Variants in AMPH observed in about 807,000 individuals in gnomAD.
The protein encoded by AMPH is amphiphysin.
AMPH carries 49 observed loss-of-function variants against 99.1 expected under a neutral mutation model. That is an observed-to-expected ratio of 0.49 (90% CI 0.39 to 0.63). The LOEUF is 0.63. Ranked by LOEUF, AMPH falls within the 20% of genes least tolerant of loss-of-function variation. AMPH has a pLI of 0.00. For missense variants in AMPH, 759 were observed against 863.4 expected, an observed-to-expected ratio of 0.88 and a Z score of 1.52; for synonymous variants, 314 against 317.3, an observed-to-expected ratio of 0.99 and a Z score of 0.11.
intron 1 of AMPH, among the ~76,000 whole-genome samples, chr7:38,559,998 G>C (rs1188016450): frequency 1.3e-5 from 2 of 152,192 alleles, no homozygotes; most frequent in Non-Finnish European, 2.9e-5. Flanking sequence ...GTTTCATATG[G>C]AATTCTGCTC....
At chr7:38,612,268 G>A (rs1202748480) in intron 1 of AMPH, among the ~76,000 whole-genome samples, 1 of 151,788 alleles carries the variant, frequency 6.6e-6, no homozygotes, top group East Asian at 1.9e-4. Flanking sequence ...TACAGACGGG[G>A]ATTTTCCATG....
At chr7:38,597,800 C>T (rs1793111235) in intron 1 of AMPH, among the ~76,000 whole-genome samples, 1 of 152,204 alleles carries the variant, frequency 6.6e-6, no homozygotes, top group Non-Finnish European at 1.5e-5. Context: ...ATCTTTCCAT[C>T]TTGTTTATGG....
intron 1 of AMPH, among the ~76,000 whole-genome samples, chr7:38,608,027 T>C (rs1793494770): frequency 6.6e-6 from 1 of 152,180 alleles, no homozygotes; most frequent in Non-Finnish European, 1.5e-5. Context: ...TTAGTAGAGA[T>C]GAGGTCTCAC....
chr7:38,485,232 A>T (rs1788442858), intron 5 of AMPH, among the ~76,000 whole-genome samples: 1 of 152,006 alleles, frequency 6.6e-6, no homozygotes, highest in South Asian at 2.1e-4. Flanking sequence ...TGTCTACAAG[A>T]GATTTACTTT....
intron 1 of AMPH, among the ~76,000 whole-genome samples, chr7:38,620,968 C>A (rs1337760698): frequency 2.0e-5 from 3 of 152,164 alleles, no homozygotes. Context: ...AATTAGGGTC[C>A]ACTTTGCCTA....
chr7:38,520,865 C>T (rs1203909463), intron 2 of AMPH, among the ~76,000 whole-genome samples: 4 of 152,190 alleles, frequency 2.6e-5, no homozygotes, highest in African/African-American at 7.2e-5. Flanking sequence ...ACATAGACCA[C>T]CAACTATTCA....
chr7:38,482,800 C>T (rs374296217), intron 5 of AMPH, among the ~76,000 whole-genome samples: 43 of 152,244 alleles, frequency 2.8e-4, no homozygotes, highest in Middle Eastern at 3.4e-3. Context: ...AATTTAACCT[C>T]TTCTGATTTC....
Position 38,549,993 on chromosome 7 carries a change from A to G in AMPH, c.70-14982T>C, listed in dbSNP as rs191749155. On this transcript the variant is annotated intron_variant, in intron 1 of 20. Transcript: ENST00000356264. ...AAAGCCATAATTTACAACACTTAATATTTTATTAGTGAGAACATTGAAAGA... is the reference window on the plus strand; with the variant it reads ...AAAGCCATAATTTACAACACTTAATGTTTTATTAGTGAGAACATTGAAAGA... Among the ~76,000 whole-genome samples the G allele has an allele frequency of 1.3e-3, 201 of 152,330 alleles. 1 individual carries two copies. Among genetic ancestry groups the G allele is most frequent in the African/African-American group, 4.7e-3 (195 of 41,572 alleles).
At chr7:38,565,688 G>A (rs1791715084) in intron 1 of AMPH, among the ~76,000 whole-genome samples, 1 of 151,050 alleles carries the variant, frequency 6.6e-6, no homozygotes, top group African/African-American at 2.4e-5. Flanking sequence ...TTGGGGGGTG[G>A]GGAGGTCACA....
intron 1 of AMPH, among the ~76,000 whole-genome samples, chr7:38,604,296 A>G (rs1793355119): frequency 2.6e-5 from 4 of 152,220 alleles, no homozygotes; most frequent in Admixed American, 2.6e-4. Flanking sequence ...CAGGCAGACG[A>G]ATTTTGACTA....
At chr7:38,475,007 C>T (rs551957257) in intron 7 of AMPH, among the ~76,000 whole-genome samples, 1 of 152,262 alleles carries the variant, frequency 6.6e-6, no homozygotes, top group Non-Finnish European at 1.5e-5. Flanking sequence ...AGATTTAGGT[C>T]TCCACTTGAG....
chr7:38,583,373 C>T (rs149593786), intron 1 of AMPH, among the ~76,000 whole-genome samples: 4 of 151,196 alleles, frequency 2.6e-5, no homozygotes, highest in African/African-American at 4.9e-5. Flanking sequence ...GAAAGCCTAG[C>T]GAAAAGTAGC....
In AMPH at chr7:38,445,006, T is replaced by C. The variant is rs200252104; in HGVS notation, c.1018-8618A>G. On this transcript the variant is annotated intron_variant, in intron 11 of 20. Transcript: ENST00000356264. ...ATATATATACATATATATATATATA[T>C]ATATACACACACACACACGGTATAT... 1.6e-4 allele frequency among the ~76,000 whole-genome samples: 20 copies of C among 127,844 alleles called. 1 individual carries two copies. The East Asian group carries it at 1.9e-3, about 12-fold the overall frequency. The allele number at this position is 127,844 out of a possible 152,430, so 83.9% of individuals were successfully genotyped here.
At chr7:38,566,946 G>A (rs1392825338) in intron 1 of AMPH, among the ~76,000 whole-genome samples, 1 of 152,176 alleles carries the variant, frequency 6.6e-6, no homozygotes, top group East Asian at 1.9e-4. Context: ...TGGTGGGCGT[G>A]TAAATTAGTT....
In AMPH at chr7:38,510,914, G is replaced by A. The variant is rs537653508; in HGVS notation, c.151-7210C>T. Reference sequence around the variant, plus strand: ...TTTCTCAAAGTCCCATAATTCCATGGAGTTTATTCCATGTGATTCATATCA... The same window carrying A: ...TTTCTCAAAGTCCCATAATTCCATGAAGTTTATTCCATGTGATTCATATCA... On this transcript the variant is annotated intron_variant, in intron 2 of 20. Transcript: ENST00000356264. 2.6e-5 allele frequency among the ~76,000 whole-genome samples: 4 copies of A among 152,228 alleles called. No individual in the cohort carries two copies. In the East Asian group the frequency reaches 7.7e-4, roughly 29 times the overall value.
intron 1 of AMPH, 69 bp downstream of exon 1, chr7:38,631,214 C>A: frequency 7.0e-7 from 1 of 1,420,956 alleles, no homozygotes. Flanking sequence ...CGCACAGCTG[C>A]AGCCGGTGCC....
intron 1 of AMPH, among the ~76,000 whole-genome samples, chr7:38,611,084 T>C (rs193165488): frequency 1.2e-4 from 19 of 152,280 alleles, no homozygotes; most frequent in African/African-American, 4.3e-4. Flanking sequence ...CATCAGTAGA[T>C]AAATGGATAA....
intron 1 of AMPH, among the ~76,000 whole-genome samples, chr7:38,541,885 C>A (rs1000347257): frequency 5.3e-5 from 8 of 152,182 alleles, no homozygotes; most frequent in Non-Finnish European, 1.2e-4. Flanking sequence ...TAGATGGGAA[C>A]AGAGGTAAGT....
chr7:38,495,996 A>G (rs1482375833), intron 3 of AMPH, among the ~76,000 whole-genome samples: 1 of 152,172 alleles, frequency 6.6e-6, no homozygotes, highest in Non-Finnish European at 1.5e-5. Flanking sequence ...CGCCTCCGGC[A>G]GAAGACTCTC....
Sources: allele counts gnomAD v4.1 joint callset (sites outside exome capture counted in the v4.1 genomes callset), GRCh38; gene constraint gnomAD v4.1.1; transcripts MANE v1.5; gene names NCBI Gene and HGNC (gene_info 2026-07-23, HGNC 2026-07-21).